SMARCB1: variants seen among roughly 807,000 people sequenced by gnomAD.
SMARCB1 encodes the protein SWI/SNF related BAF chromatin remodeling complex subunit B1.
SMARCB1 carries 5 observed loss-of-function variants against 49.0 expected under a neutral mutation model. The ratio of observed to expected loss-of-function variants is 0.10; its 90% CI spans 0.05 to 0.21. The LOEUF is 0.21. SMARCB1 is among the 10% of genes least tolerant of loss of function. The pLI is 1.00. For missense variants in SMARCB1, 226 were observed against 509.2 expected, an observed-to-expected ratio of 0.44 and a Z score of 5.35; for synonymous variants, 201 against 200.1, an observed-to-expected ratio of 1.00 and a Z score of -0.04.
chr22:23,808,315 G>T (rs974741934), intron 5 of SMARCB1, among the ~76,000 whole-genome samples: 1 of 152,176 alleles, frequency 6.6e-6, no homozygotes, highest in African/African-American at 2.4e-5. Flanking sequence ...TAGAGACAGG[G>T]TTTCACCGTG....
chr22:23,818,936 G>A (rs2029928290), intron 6 of SMARCB1, among the ~76,000 whole-genome samples: 1 of 151,376 alleles, frequency 6.6e-6, no homozygotes. Context: ...TGCTTCCTGG[G>A]CTCAAGTGAT....
At chr22:23,806,446 C>T (rs1409612519) in intron 5 of SMARCB1, among the ~76,000 whole-genome samples, 3 of 152,156 alleles carry the variant, frequency 2.0e-5, no homozygotes, top group Admixed American at 2.0e-4. Context: ...TGGTATTTGG[C>T]ATTTGTAAGA....
chr22:23,818,643 C>G (rs1178102119), intron 6 of SMARCB1: 3 of 151,570 alleles, frequency 2.0e-5, no homozygotes, highest in Admixed American at 1.3e-4. Context: ...CAAACACTAA[C>G]TCCCCATTCC....
intron 6 of SMARCB1, 56 bp downstream of exon 6, chr22:23,816,992 T>G: frequency 6.9e-7 from 1 of 1,450,790 alleles, no homozygotes; most frequent in Non-Finnish European, 9.6e-7. Context: ...GTGGGTGTCA[T>G]CATGGAGCAC....
At chr22:23,794,384 G>A (rs912897027) in intron 3 of SMARCB1, among the ~76,000 whole-genome samples, 3 of 152,198 alleles carry the variant, frequency 2.0e-5, no homozygotes, top group African/African-American at 7.2e-5. Flanking sequence ...AGTTACAAAT[G>A]CTTGGAAAGT....
chr22:23,815,154 AG>A (rs1722335997), intron 5 of SMARCB1: 1 of 152,184 alleles, frequency 6.6e-6, no homozygotes, highest in Non-Finnish European at 1.5e-5. Context: ...GAGGATGTGG[AG>A]GAACTGGGTC....
rs530356685 is a variant in SMARCB1, at chr22:23,837,439, C to T, written c.*3259C>T. The stretch of plus-strand genomic sequence containing the variant: ...CTCCCATCCTCACTCCCATCAGGAC[C>T]GTGCAAGCATCAGTAGATCCGTCCT... On this transcript the variant is annotated 3_prime_UTR_variant, in exon 9 of 9. Transcript: ENST00000644036. 3.7e-5 allele frequency: 24 copies of T among 646,742 alleles called. No individual in the cohort carries two copies. The highest frequency in any genetic ancestry group is 1.6e-4 in the South Asian group (8 of 50,922). The allele number at this position is 646,742 out of a possible 1,614,324, so 40.1% of individuals were successfully genotyped here.
chr22:23,835,789 G>A lies in SMARCB1; in HGVS notation c.*1609G>A. The A allele has an allele frequency of 1.0e-6, 1 of 985,474 alleles. No homozygotes were observed. Among genetic ancestry groups the A allele is most frequent in the Non-Finnish European group, 1.2e-6 (1 of 829,944 alleles). 61.0% of individuals were successfully genotyped at this position (985,474 alleles called of 1,614,324 possible). ...CTGTGTCTCCACAACTGGGGGGATGGAAGGAACCTTGGCTGCCTCACCCCA... is the reference window on the plus strand; with the variant it reads ...CTGTGTCTCCACAACTGGGGGGATGAAAGGAACCTTGGCTGCCTCACCCCA... On this transcript the variant is annotated 3_prime_UTR_variant, in exon 9 of 9. Coordinates refer to ENST00000644036, the MANE Select transcript of SMARCB1 (RefSeq NM_003073.5).
chr22:23,816,584 T>C (rs527967105), intron 5 of SMARCB1, 186 bp from the exon 6 acceptor site: 7 of 677,838 alleles, frequency 1.0e-5, no homozygotes, highest in African/African-American at 1.7e-5. Flanking sequence ...GGATGAGGGC[T>C]GGGGGCCTGC....
chr22:23,795,772 C>T (rs991895267), intron 3 of SMARCB1, among the ~76,000 whole-genome samples: 1 of 149,910 alleles, frequency 6.7e-6, no homozygotes, highest in African/African-American at 2.5e-5. Context: ...GAACTGCACT[C>T]ATGTGTGCTG....
At chr22:23,832,345 A>G (rs539704558) in intron 7 of SMARCB1, among the ~76,000 whole-genome samples, 1 of 152,328 alleles carries the variant, frequency 6.6e-6, no homozygotes, top group South Asian at 2.1e-4. Flanking sequence ...TCCATATTCC[A>G]GATGAGGTTT....
chr22:23,801,439 T>G, intron 4 of SMARCB1: 1 of 570,608 alleles, frequency 1.8e-6, no homozygotes, highest in South Asian at 1.6e-5. Context: ...GTGCCACCAT[T>G]TCCCAGAGCC....
intron 7 of SMARCB1, among the ~76,000 whole-genome samples, chr22:23,830,694 G>A (rs956374947): frequency 5.8e-5 from 7 of 120,268 alleles, no homozygotes; most frequent in East Asian, 3.0e-4. Flanking sequence ...AGACAGTCTC[G>A]CTGTGTCACC....
At position 23,836,400 on chromosome 22, in the gene SMARCB1, A is replaced by G; in HGVS notation, c.*2220A>G. ...GTAGGCTGGTTTGGCACAACCTAGGAGACGCCTGTCCTGGCCCCAGCAGCC... is the reference window on the plus strand; with the variant it reads ...GTAGGCTGGTTTGGCACAACCTAGGGGACGCCTGTCCTGGCCCCAGCAGCC... On this transcript the variant is annotated 3_prime_UTR_variant, in exon 9 of 9. Coordinates refer to ENST00000644036, the MANE Select transcript of SMARCB1 (RefSeq NM_003073.5). 3 of 986,454 alleles carry G rather than the reference A, an allele frequency of 3.0e-6. No homozygotes were observed. Among genetic ancestry groups the G allele is most frequent in the Non-Finnish European group, 3.6e-6 (3 of 830,632 alleles). 61.1% of individuals were successfully genotyped at this position (986,454 alleles called of 1,614,324 possible). A position where few individuals can be genotyped will look rare whatever the true frequency, so the allele number is the denominator to read the frequency against.
intron 5 of SMARCB1, among the ~76,000 whole-genome samples, chr22:23,812,601 G>C (rs1027210178): frequency 1.3e-5 from 2 of 152,100 alleles, no homozygotes; most frequent in Non-Finnish European, 2.9e-5. Flanking sequence ...ATAGAATTCA[G>C]CAATATATAG....
chr22:23,801,158 C>G (rs1475553991), intron 4 of SMARCB1, 77 bp downstream of exon 4: 1 of 1,608,150 alleles, frequency 6.2e-7, no homozygotes, highest in Admixed American at 1.7e-5. Context: ...TCCTTCCTCC[C>G]CAGAAAAACA....
At chr22:23,829,330 T>C (rs2030540561) in intron 7 of SMARCB1, among the ~76,000 whole-genome samples, 1 of 152,190 alleles carries the variant, frequency 6.6e-6, no homozygotes, top group Non-Finnish European at 1.5e-5. Flanking sequence ...GATGGGGGAC[T>C]GCAGCAGGAA....
intron 7 of SMARCB1, among the ~76,000 whole-genome samples, chr22:23,827,893 C>G (rs2030467051): frequency 6.6e-6 from 1 of 152,126 alleles, no homozygotes; most frequent in Admixed American, 6.5e-5. Context: ...AACTCTGTCC[C>G]CAGGGAGACC....
intron 5 of SMARCB1, among the ~76,000 whole-genome samples, chr22:23,813,247 ATTC>A (rs1568949650): frequency 6.6e-6 from 1 of 152,246 alleles, no homozygotes; most frequent in Non-Finnish European, 1.5e-5. Context: ...TGCTGTCACT[ATTC>A]TTATTCAACA....
Sources: allele counts gnomAD v4.1 joint callset (sites outside exome capture counted in the v4.1 genomes callset), GRCh38; gene constraint gnomAD v4.1.1; transcripts MANE v1.5; gene names NCBI Gene and HGNC (gene_info 2026-07-23, HGNC 2026-07-21).